HOXC4: variants seen among roughly 807,000 people sequenced by gnomAD.
HOXC4 encodes homeobox protein Hox-C4.
In HOXC4, 15 loss-of-function variants were observed where a neutral mutation model predicts 25.5. The ratio of observed to expected loss-of-function variants is 0.59; its 90% CI spans 0.39 to 0.91. The LOEUF is 0.91. Among genes scored for constraint, HOXC4 ranks in the 40% least tolerant of loss-of-function variants. The probability of loss-of-function intolerance (pLI) is 0.00; values close to 1 mark genes in which losing one functional copy is unlikely to be tolerated. For missense variants in HOXC4, 342 were observed against 352.4 expected (o/e 0.97, Z 0.24); for synonymous variants, 165 against 148.0 (o/e 1.11, Z -0.83).
At chr12:54,033,567 A>C (rs774506573) in intron 1 of HOXC4, 5 of 1,584,458 alleles carry the variant, frequency 3.2e-6, no homozygotes, top group Non-Finnish European at 4.3e-6. Flanking sequence ...CAAACTGCAC[A>C]TGAGCCACGG....
intron 1 of HOXC4, chr12:54,034,041 C>A (rs1350165839): frequency 5.9e-5 from 41 of 697,178 alleles, no homozygotes; most frequent in Non-Finnish European, 7.3e-5. Flanking sequence ...TCCCCCCAAC[C>A]CCCCCTCAGC....
intron 1 of HOXC4, among the ~76,000 whole-genome samples, chr12:54,032,436 G>C (rs1467763812): frequency 6.6e-6 from 1 of 152,216 alleles, no homozygotes; most frequent in Non-Finnish European, 1.5e-5. Flanking sequence ...TTCTACCTTT[G>C]GTTTAGGGAA....
chr12:54,055,364 A>T lies in HOXC4; in HGVS notation c.*159A>T. ...TGTCCCTTGTCAGTTCCAAACAGAC[A>T]AAACAGATAAACAAACAAGCCCCCT... On this transcript the variant is annotated 3_prime_UTR_variant, in exon 2 of 2. Coordinates refer to ENST00000430889, the MANE Select transcript of HOXC4 (RefSeq NM_153633.3). The T allele has an allele frequency of 4.1e-6, 1 of 241,974 alleles. No homozygotes were observed. The highest frequency in any genetic ancestry group is 7.7e-6 in the Non-Finnish European group (1 of 129,834). 15.0% of individuals were successfully genotyped at this position (241,974 alleles called of 1,614,324 possible).
chr12:54,043,692 C>G (rs1941312244), intron 1 of HOXC4, among the ~76,000 whole-genome samples: 1 of 151,652 alleles, frequency 6.6e-6, no homozygotes, highest in African/African-American at 2.4e-5. Context: ...GGCAGCCAGG[C>G]TTTCTGTGAT....
chr12:54,052,574 G>C (rs1464680878), upstream of HOXC4, among the ~76,000 whole-genome samples: 3 of 150,444 alleles, frequency 2.0e-5, no homozygotes, highest in Non-Finnish European at 3.0e-5. Flanking sequence ...CTAGCTGGGG[G>C]GGGGGGGTGG....
At chr12:54,028,565 CCGG>C in intron 1 of HOXC4, 1 of 1,614,168 alleles carries the variant, frequency 6.2e-7, no homozygotes, top group Non-Finnish European at 8.5e-7. Context: ...TGCCACCTCG[CCGG>C]GGGCCAGGAC....
intron 1 of HOXC4, chr12:54,033,558 A>C: frequency 9.4e-6 from 15 of 1,593,026 alleles, no homozygotes; most frequent in Non-Finnish European, 1.3e-5. Flanking sequence ...GTGGATGACC[A>C]AACTGCACAT....
upstream of HOXC4, among the ~76,000 whole-genome samples, chr12:54,051,830 G>A (rs929700467): frequency 1.3e-5 from 2 of 152,214 alleles, no homozygotes; most frequent in African/African-American, 4.8e-5. Context: ...CACGGCTGTG[G>A]GTCCAGCTTC....
chr12:54,034,349 T>A (rs765751574), intron 1 of HOXC4: 4 of 1,614,244 alleles, frequency 2.5e-6, no homozygotes. Context: ...AGAATTCCAC[T>A]TTAACCGCTA....
chr12:54,027,805 G>T lies in HOXC4; in HGVS notation c.-124+10391G>T, dbSNP rs368652455. ...TGTACCCTGAAGTCTTGCCCCTTTAGACCTAGTTGTTCCCCACATCCCTAC... is the reference window on the plus strand; with the variant it reads ...TGTACCCTGAAGTCTTGCCCCTTTATACCTAGTTGTTCCCCACATCCCTAC... On this transcript the variant is annotated intron_variant, in intron 1 of 3. Coordinates refer to the HOXC4 transcript ENST00000303406. Among the ~76,000 whole-genome samples the T allele has an allele frequency of 1.8e-3, 278 of 152,228 alleles. 4 individuals carry two copies. The South Asian group carries it at 0.055, about 30-fold the overall frequency.
upstream of HOXC4, among the ~76,000 whole-genome samples, chr12:54,051,229 A>T (rs1415848854): frequency 6.6e-6 from 1 of 151,340 alleles, no homozygotes; most frequent in East Asian, 1.9e-4. Flanking sequence ...TAGAAGGGAG[A>T]CTGGGAGTGG....
At chr12:54,026,533 A>G (rs2136431294) in intron 1 of HOXC4, among the ~76,000 whole-genome samples, 1 of 152,192 alleles carries the variant, frequency 6.6e-6, no homozygotes, top group East Asian at 1.9e-4. Flanking sequence ...AGAAAGTGTG[A>G]TCTAGAAGGA....
Position 54,045,414 on chromosome 12 carries a change from C to T in HOXC4, c.-123-7746C>T, listed in dbSNP as rs147869389. On this transcript the variant is annotated intron_variant, in intron 1 of 3. Coordinates refer to the HOXC4 transcript ENST00000303406. ...ATGTATTGGTACAGCTCTCTTGAAA[C>T]ACCTAAGTGAATATTTGGAAATTTT... Among the ~76,000 whole-genome samples the T allele has an allele frequency of 2.8e-4, 42 of 152,300 alleles. 1 individual carries two copies. Among genetic ancestry groups the T allele is most frequent in the African/African-American group, 9.9e-4 (41 of 41,558 alleles).
At chr12:54,054,414 C>T in intron 1 of HOXC4, 53 bp downstream of exon 1, 1 of 1,241,354 alleles carries the variant, frequency 8.1e-7, no homozygotes, top group African/African-American at 1.6e-5. Context: ...CCCTAGCGCT[C>T]CCCACCCTCC....
In HOXC4 at chr12:54,026,946, C is replaced by CA. The variant is rs1940736085; in HGVS notation, c.-124+9534dup. ...TGTTATAGCCAGCTTTCCCCCCCCC[C>CA]AACCCACCCAAAAATGGTGGGGGGG... On this transcript the variant is annotated intron_variant, in intron 1 of 3. Coordinates refer to the HOXC4 transcript ENST00000303406. Among the ~76,000 whole-genome samples the CA allele has an allele frequency of 2.2e-5, 3 of 137,844 alleles. No homozygotes were observed. In the South Asian group the frequency reaches 6.8e-4, roughly 31 times the overall value. The allele number at this position is 137,844 out of a possible 152,430, so 90.4% of individuals were successfully genotyped here.
intron 1 of HOXC4, among the ~76,000 whole-genome samples, chr12:54,043,585 AC>A (rs1555186533): frequency 8.3e-6 from 1 of 120,664 alleles, no homozygotes; most frequent in Non-Finnish European, 1.8e-5. Flanking sequence ...TGTCCTCCCC[AC>A]CCCACCCCCA....
chr12:54,038,512 A>G (rs1941223128), intron 1 of HOXC4, among the ~76,000 whole-genome samples: 1 of 152,174 alleles, frequency 6.6e-6, no homozygotes, highest in South Asian at 2.1e-4. Context: ...CCCACAGGCT[A>G]CTGCTGCCTG....
Position 54,054,105 on chromosome 12 carries a change from C to G in HOXC4, c.183C>G (p.Ser61Arg). 1 of 1,614,216 alleles carries G rather than the reference C, an allele frequency of 6.2e-7. No individual in the cohort carries two copies. The change falls in exon 1 of 2, where the codon AGC becomes AGG. Residue 61 changes from serine to arginine, a missense_variant. Transcript: ENST00000430889. ...ELYPPPPPRP[S>R]YPERQYSCTS... ...ACCCACCACCGCCTCCGCGCCCTAG[C>G]TACCCTGAGCGCCAGTATAGCTGCA...
At chr12:54,044,153 G>T (rs1459821774) in intron 1 of HOXC4, among the ~76,000 whole-genome samples, 1 of 151,996 alleles carries the variant, frequency 6.6e-6, no homozygotes, top group Non-Finnish European at 1.5e-5. Flanking sequence ...TAGCATCTGA[G>T]GTTTTGCTTT....
Sources: gnomAD v4.1 joint callset for allele counts (sites outside exome capture counted in the v4.1 genomes callset) on GRCh38, gnomAD v4.1.1 for gene constraint, MANE v1.5 for transcripts, NCBI Gene and HGNC (gene_info 2026-07-23, HGNC 2026-07-21) for gene names.